Variants in ABCC2 observed in about 807,000 individuals in gnomAD.
ABCC2 encodes ATP binding cassette subfamily C member 2.
A neutral mutation model predicts 173.4 loss-of-function variants in ABCC2; 157 were observed. The observed-to-expected ratio is 0.91, with a 90% CI of 0.80 to 1.03. The LOEUF is 1.03. Ranked by LOEUF, ABCC2 falls within the 50% of genes least tolerant of loss-of-function variation. ABCC2 has a pLI of 0.00. For synonymous variants in ABCC2, 657 were observed against 693.5 expected, an observed-to-expected ratio of 0.95 and a Z score of 0.83; for missense variants, 1,822 against 1,852.3, an observed-to-expected ratio of 0.98 and a Z score of 0.30.
rs778709751 is a variant in ABCC2, at chr10:99,846,999, C to T, written c.4185C>T (p.Leu1395=). The change falls in exon 30 of 32, where the codon CTC becomes CTT. Residue 1395 remains leucine (L), a synonymous_variant. Transcript: ENST00000647814. ...TCTCTGGAAGCCTGAGGATGAATCT[C>T]GACCCTTTCAACAACTACTCAGATG... ...ILFSGSLRMN[L]DPFNNYSDEE... 1.6e-5 allele frequency: 26 copies of T among 1,614,088 alleles called. No homozygotes were observed. Among genetic ancestry groups the T allele is most frequent in the Admixed American group, 1.2e-4 (7 of 60,010 alleles).
intron 16 of ABCC2, among the ~76,000 whole-genome samples, chr10:99,813,481 C>T (rs1477737562): frequency 1.3e-5 from 2 of 152,076 alleles, no homozygotes; most frequent in Non-Finnish European, 2.9e-5. Flanking sequence ...TTTGAGAGGC[C>T]GAGGCAGGCA....
chr10:99,802,567 T>C (rs915928423), intron 9 of ABCC2, among the ~76,000 whole-genome samples: 5 of 152,186 alleles, frequency 3.3e-5, no homozygotes, highest in Middle Eastern at 3.2e-3. Context: ...CTCTAGAACC[T>C]TGGTGGTCTA....
chr10:99,846,825 A>C, intron 29 of ABCC2, 136 bp from the exon 30 acceptor site: 3 of 1,213,442 alleles, frequency 2.5e-6, no homozygotes. Context: ...ACCTTGCGGA[A>C]GCTCAACCAC....
chr10:99,783,215 A>G (rs1459231746), intron 1 of ABCC2, among the ~76,000 whole-genome samples: 1 of 152,224 alleles, frequency 6.6e-6, no homozygotes, highest in Non-Finnish European at 1.5e-5. Flanking sequence ...TAGTAGAAGG[A>G]AGAGAAGATC....
intron 2 of ABCC2, among the ~76,000 whole-genome samples, chr10:99,787,694 A>AT (rs35000277): frequency 0.58 from 88,016 of 151,812 alleles, 25,796 homozygotes; most frequent in East Asian, 0.77. Context: ...TCACTTCCTT[A>AT]TTTTTTAATG....
In ABCC2 at chr10:99,796,490, C is replaced by T. The variant is rs542189023; in HGVS notation, c.633-607C>T. ...CTGCACTCCAGCCTATCGACAAGAT[C>T]GCAACTCCGTCTCAACAGAAACAAA... On this transcript the variant is annotated intron_variant, in intron 6 of 31. Coordinates refer to ENST00000647814, the MANE Select transcript of ABCC2 (RefSeq NM_000392.5). 9.2e-5 allele frequency among the ~76,000 whole-genome samples: 14 copies of T among 151,890 alleles called. No individual in the cohort carries two copies. In the East Asian group the frequency reaches 1.7e-3, roughly 19 times the overall value.
chr10:99,834,436 C>T lies in ABCC2; in HGVS notation c.3315C>T (p.Cys1105=). ...AGTCCTTGCGCAGCTGGATTACATG[C>T]TTCCTGGGGATAATCAGCACCCTTG... is the stretch of plus-strand genomic sequence containing the variant. The part of the protein sequence containing the change: ...LPQSLRSWIT[C]FLGIISTLVM... Residue 1105 remains cysteine, a synonymous_variant, in exon 24 of 32, where the codon TGC becomes TGT. Transcript: ENST00000647814. 1 of 1,614,170 alleles carries T rather than the reference C, an allele frequency of 6.2e-7. No homozygotes were observed. Among genetic ancestry groups the T allele is most frequent in the Non-Finnish European group, 8.5e-7 (1 of 1,180,012 alleles).
chr10:99,819,220 G>A lies in ABCC2; in HGVS notation c.2571G>A (p.Lys857=), dbSNP rs1453110616. ...ALLAKKGEFA[K]NLKTFLRHTG... ...TGGCCAAAAAAGGAGAGTTTGCTAA[G>A]AATCTGAAGACATTTCTAAGACATA... is the stretch of plus-strand genomic sequence containing the variant. Residue 857 remains lysine, a synonymous_variant, in exon 19 of 32, where the codon AAG becomes AAA. Transcript: ENST00000647814. The A allele has an allele frequency of 6.2e-7, 1 of 1,614,146 alleles. No individual in the cohort carries two copies. The highest frequency in any genetic ancestry group is 1.7e-5 in the Admixed American group (1 of 60,024).
Position 99,799,249 on chromosome 10 carries a change from G to C in ABCC2, c.910G>C (p.Asp304His), listed in dbSNP as rs2037971472. 3.1e-6 allele frequency: 5 copies of C among 1,613,992 alleles called. No homozygotes were observed. Among genetic ancestry groups the C allele is most frequent in the Non-Finnish European group, 4.2e-6 (5 of 1,180,018 alleles). The change falls in exon 8 of 32, where the codon GAT becomes CAT. Residue 304 changes from aspartate to histidine, a missense_variant. Physicochemically the swap from Asp to His is moderately conservative, Grantham distance 81. Coordinates refer to ENST00000647814, the MANE Select transcript of ABCC2 (RefSeq NM_000392.5). ...AAAAAAGAAGTCTGGGACCAAAAAA[G>C]ATGTTCCAAAATCCTGGTTGATGAA... ...KKKKKSGTKKDVPKSWLMKAL... is the reference protein window; with the variant it reads ...KKKKKSGTKKHVPKSWLMKAL...
intron 16 of ABCC2, among the ~76,000 whole-genome samples, chr10:99,815,644 A>C (rs1163767907): frequency 1.3e-5 from 2 of 152,088 alleles, no homozygotes; most frequent in Admixed American, 1.3e-4. Context: ...GTATCTATAG[A>C]TTTTCAGCTT....
intron 14 of ABCC2, 106 bp from the exon 15 acceptor site, chr10:99,811,430 G>A: frequency 2.6e-6 from 3 of 1,150,646 alleles, no homozygotes; most frequent in Non-Finnish European, 3.9e-6. Flanking sequence ...CCAGCACTTA[G>A]CAGAAACAAT....
intron 16 of ABCC2, among the ~76,000 whole-genome samples, chr10:99,814,103 ACACATATGTG>A (rs1239827033): frequency 6.8e-6 from 1 of 147,076 alleles, no homozygotes; most frequent in African/African-American, 2.6e-5. Flanking sequence ...ATATATATAC[ACACATATGTG>A]TATATACACA....
intron 19 of ABCC2, among the ~76,000 whole-genome samples, chr10:99,822,522 G>T (rs1393158436): frequency 6.6e-6 from 1 of 151,832 alleles, no homozygotes; most frequent in Non-Finnish European, 1.5e-5. Context: ...ACAGGAAGCT[G>T]ATTTTCTCCT....
rs74152768 is a variant in ABCC2 at position 99,806,501 on chromosome 10, C to A, written c.1531-883C>A. Among the ~76,000 whole-genome samples the A allele has an allele frequency of 1.2e-3, 188 of 152,268 alleles. 1 individual carries two copies. The highest frequency in any genetic ancestry group is 4.4e-3 in the African/African-American group (183 of 41,572). On this transcript the variant is annotated intron_variant, in intron 11 of 31. Transcript: ENST00000647814. ...ATTTTTTTAAGTTCCCTAGATGATT[C>A]TAATATGCCACCAAGGTGAAAAACA... is the stretch of plus-strand genomic sequence containing the variant.
At chr10:99,805,892 C>T (rs1405110175) in intron 11 of ABCC2, among the ~76,000 whole-genome samples, 1 of 152,102 alleles carries the variant, frequency 6.6e-6, no homozygotes, top group African/African-American at 2.4e-5. Flanking sequence ...AATATAGCCA[C>T]AATACCAGTA....
intron 6 of ABCC2, among the ~76,000 whole-genome samples, chr10:99,794,977 G>A (rs975518546): frequency 2.6e-5 from 4 of 152,196 alleles, no homozygotes; most frequent in African/African-American, 7.2e-5. Flanking sequence ...AGAAGATGGA[G>A]GGGGATTTGT....
At chr10:99,850,410 T>C (rs904711686) in intron 30 of ABCC2, among the ~76,000 whole-genome samples, 192 bp from the exon 31 acceptor site, 1 of 152,192 alleles carries the variant, frequency 6.6e-6, no homozygotes, top group Non-Finnish European at 1.5e-5. Flanking sequence ...GGGGTGGGTC[T>C]TCAATTGGGA....
chr10:99,843,008 G>A (rs548356967), intron 26 of ABCC2, among the ~76,000 whole-genome samples: 77 of 151,532 alleles, frequency 5.1e-4, no homozygotes, highest in African/African-American at 1.7e-3. Context: ...AGCCAAGATC[G>A]TGCCATTGCA....
At chr10:99,843,297 A>C (rs2038972803) in intron 26 of ABCC2, among the ~76,000 whole-genome samples, 6 of 152,246 alleles carry the variant, frequency 3.9e-5, no homozygotes, top group Admixed American at 3.3e-4. Flanking sequence ...GGATACTCTG[A>C]GTCCCCATGA....
Sources: allele counts gnomAD v4.1 joint callset (sites outside exome capture counted in the v4.1 genomes callset), GRCh38; gene constraint gnomAD v4.1.1; transcripts MANE v1.5; gene names NCBI Gene and HGNC (gene_info 2026-07-23, HGNC 2026-07-21).